PPRC1: variants seen among roughly 807,000 people sequenced by gnomAD.
PPRC1 encodes PPARG related coactivator 1.
In PPRC1, 23 loss-of-function variants were observed where a neutral mutation model predicts 132.5. That is an observed-to-expected ratio of 0.17 (90% CI 0.12 to 0.25). The LOEUF (loss-of-function observed/expected upper bound fraction) is 0.25, where lower values mean the gene tolerates loss of function less well. Ranked by LOEUF, PPRC1 falls within the 10% of genes least tolerant of loss-of-function variation. The pLI is 1.00. For synonymous variants in PPRC1, 872 were observed against 833.5 expected, an observed-to-expected ratio of 1.05 and a Z score of -0.80; for missense variants, 2,006 against 2,089.1, an observed-to-expected ratio of 0.96 and a Z score of 0.78.
In PPRC1 at chr10:102,140,778, G is replaced by A. The variant is rs1321111118; in HGVS notation, c.2270G>A (p.Arg757Gln). The change falls in exon 5 of 14, where the codon CGG becomes CAG. Residue 757 changes from arginine (R) to glutamine (Q), a missense_variant. This residue lies in a region of PPRC1 where 1,914 missense variants were observed against 1,917.2 expected (regional missense o/e 1.00). Coordinates refer to ENST00000278070, the MANE Select transcript of PPRC1 (RefSeq NM_015062.5). Reference sequence around the variant, plus strand: ...CGGCCTCTCAGCTTATCTGAGTACCGGCGACGAAGGCAGCAACGCCAAGCA... The same window carrying A: ...CGGCCTCTCAGCTTATCTGAGTACCAGCGACGAAGGCAGCAACGCCAAGCA... Reference protein sequence around the residue: ...RPRPLSLSEYRRRRQQRQAET... With the variant: ...RPRPLSLSEYQRRRQQRQAET... 9 of 1,612,428 alleles carry A rather than the reference G, an allele frequency of 5.6e-6. No individual in the cohort carries two copies. Among genetic ancestry groups the A allele is most frequent in the East Asian group, 2.2e-5 (1 of 44,734 alleles).
rs537798668 is a variant in PPRC1 at position 102,149,278 on chromosome 10, C to A, written c.4840C>A (p.Leu1614Ile). 6.8e-6 allele frequency: 11 copies of A among 1,611,634 alleles called. No homozygotes were observed. The African/African-American group carries it at 1.5e-4, about 22-fold the overall frequency. Residue 1614 changes from leucine (L) to isoleucine (I), a missense_variant, in exon 13 of 14, where the codon CTC becomes ATC. Around this residue, in one of 2 missense-constraint regions of PPRC1, gnomAD observed 92 missense variants for 171.9 expected, o/e 0.54. Transcript: ENST00000278070. ...LRQADEQPFD[L>I]CFGGRRQFCK... is the part of the protein sequence containing the mutation. The stretch of plus-strand genomic sequence containing the variant: ...GCAGGCAGATGAGCAGCCCTTTGAT[C>A]TCTGCTTTGGGGGCCGAAGGCAGTT...
In PPRC1 at chr10:102,134,967, A is replaced by G. The variant is rs149687130; in HGVS notation, c.153+1746A>G. Among the ~76,000 whole-genome samples the G allele has an allele frequency of 2.7e-3, 406 of 152,342 alleles. 2 individuals carry two copies. Among genetic ancestry groups the G allele is most frequent in the Non-Finnish European group, 4.0e-3 (272 of 68,030 alleles). On this transcript the variant is annotated intron_variant, in intron 1 of 13. Transcript: ENST00000278070. Reference sequence around the variant, plus strand: ...TCCCCCGAAAACCAAAGATGGGTATATGTGAGCTGGTCAGTCAGCCAGTTA... The same window carrying G: ...TCCCCCGAAAACCAAAGATGGGTATGTGTGAGCTGGTCAGTCAGCCAGTTA...
intron 1 of PPRC1, 119 bp from the exon 2 acceptor site, chr10:102,137,731 G>A (rs2068776518): frequency 2.2e-6 from 2 of 923,670 alleles, no homozygotes; most frequent in South Asian, 2.0e-5. Flanking sequence ...CCAGAAGTTT[G>A]GCGACAGTGT....
Position 102,148,892 on chromosome 10 carries a change from G to A in PPRC1, c.4693G>A (p.Val1565Ile), listed in dbSNP as rs2069389517. 7 of 1,614,218 alleles carry A rather than the reference G, an allele frequency of 4.3e-6. No individual in the cohort carries two copies. Among genetic ancestry groups the A allele is most frequent in the East Asian group, 2.2e-5 (1 of 44,892 alleles). ...ATCAGAGCTGAAACAGAGGTTCTCCGTTTTTGGAGAGATTGAGGAGTGCAC... is the reference window on the plus strand; with the variant it reads ...ATCAGAGCTGAAACAGAGGTTCTCCATTTTTGGAGAGATTGAGGAGTGCAC... ...TRSELKQRFS[V>I]FGEIEECTIH... The change falls in exon 12 of 14, where the codon GTT becomes ATT. Residue 1565 changes from valine (V) to isoleucine (I), a missense_variant. Physicochemically the swap from Val to Ile is conservative, Grantham distance 29. Coordinates refer to ENST00000278070, the MANE Select transcript of PPRC1 (RefSeq NM_015062.5). The surrounding 1 kb of genome is among the most constrained non-coding windows in gnomAD (Gnocchi z 4.2).
At chr10:102,129,955 C>T (rs2068516014), upstream of PPRC1, among the ~76,000 whole-genome samples, 1 of 152,158 alleles carries the variant, frequency 6.6e-6, no homozygotes, top group Non-Finnish European at 1.5e-5. Context: ...ACTATGCCAT[C>T]TGTATTAATC....
In PPRC1 at chr10:102,140,639, GTGGAGTCAGAGTCCT is replaced by G; in HGVS notation, c.2136_2150del (p.Glu712_Leu716del). 6.2e-7 allele frequency: 1 copy of G among 1,614,022 alleles called. No homozygotes were observed. Among genetic ancestry groups the G allele is most frequent in the Non-Finnish European group, 8.5e-7 (1 of 1,180,012 alleles). On this transcript the variant is annotated inframe_deletion, in exon 5 of 14. Coordinates refer to ENST00000278070, the MANE Select transcript of PPRC1 (RefSeq NM_015062.5). ...GGGGGGTTCAGCACCCCAGCTCCTC[GTGGAGTCAGAGTCCT>G]TGGACCCACCAAAGACCATCATCCC... is the stretch of plus-strand genomic sequence containing the variant.
In PPRC1 at chr10:102,144,294, G is replaced by T. The variant is rs775777147; in HGVS notation, c.3595G>T (p.Val1199Leu). Residue 1199 changes from valine to leucine, a missense_variant, in exon 7 of 14, where the codon GTA (valine) becomes TTA (leucine). Coordinates refer to ENST00000278070, the MANE Select transcript of PPRC1 (RefSeq NM_015062.5). ...PPPAPADSLA[V>L]GNSGGVDIPQ... ...TCCGGCTCCTGCTGACAGCTTGGCT[G>T]TAGGAAACTCAGGGTAAGTATGGAG... is the stretch of plus-strand genomic sequence containing the variant. 3.7e-6 allele frequency: 6 copies of T among 1,613,938 alleles called. No individual in the cohort carries two copies. The highest frequency in any genetic ancestry group is 5.1e-6 in the Non-Finnish European group (6 of 1,180,024).
At chr10:102,146,453 G>A (rs1224110049) in intron 8 of PPRC1, among the ~76,000 whole-genome samples, 1 of 152,130 alleles carries the variant, frequency 6.6e-6, no homozygotes, top group Non-Finnish European at 1.5e-5. Flanking sequence ...GAGGATGAGG[G>A]CTTCAGGAAG....
Position 102,147,451 on chromosome 10 carries a change from T to A in PPRC1, c.4400+59T>A. On this transcript the variant is annotated intron_variant, in intron 9 of 13. Coordinates refer to ENST00000278070, the MANE Select transcript of PPRC1 (RefSeq NM_015062.5). ...TTAGGAAGTTCACGTACTTCTGTGG[T>A]TTACTTTGAAAGCTTTTACCCGTTG... 2.0e-6 allele frequency: 3 copies of A among 1,513,722 alleles called. No individual in the cohort carries two copies. In the South Asian group the frequency reaches 3.8e-5, roughly 19 times the overall value. 93.8% of individuals were successfully genotyped at this position (1,513,722 alleles called of 1,614,324 possible).
chr10:102,144,425 T>C lies in PPRC1; in HGVS notation c.3608+118T>C, dbSNP rs1218220635. 6.5e-6 allele frequency: 6 copies of C among 927,200 alleles called. No homozygotes were observed. In the East Asian group the frequency reaches 1.5e-4, roughly 24 times the overall value. The allele number at this position is 927,200 out of a possible 1,614,324, so 57.4% of individuals were successfully genotyped here. A position where few individuals can be genotyped will look rare whatever the true frequency, so the allele number is the denominator to read the frequency against. On this transcript the variant is annotated intron_variant, in intron 7 of 13. Coordinates refer to ENST00000278070, the MANE Select transcript of PPRC1 (RefSeq NM_015062.5). ...GGACGCTGTAGTCAGCTCTAGAGTC[T>C]TTCCCTGTTTCCCCACCCCTTACTC...
At position 102,140,720 on chromosome 10, in the gene PPRC1, G is replaced by A; in HGVS notation, c.2212G>A (p.Gly738Ser). 6.2e-7 allele frequency: 1 copy of A among 1,613,976 alleles called. No homozygotes were observed. Among genetic ancestry groups the A allele is most frequent in the African/African-American group, 1.3e-5 (1 of 74,990 alleles). ...EVVDSLKIESGTSATTHEARP... is the reference protein window; with the variant it reads ...EVVDSLKIESSTSATTHEARP... ...TGTGGATTCTCTGAAAATTGAAAGT[G>A]GTACCAGTGCTACAACCCATGAAGC... The change falls in exon 5 of 14, where the codon GGT becomes AGT. Residue 738 changes from glycine to serine, a missense_variant. By Grantham distance (56) the Gly-to-Ser change is moderately conservative. Coordinates refer to ENST00000278070, the MANE Select transcript of PPRC1 (RefSeq NM_015062.5).
At position 102,140,757 on chromosome 10, in the gene PPRC1, C is replaced by T. The variant is rs1339689535; in HGVS notation, c.2249C>T (p.Pro750Leu). Residue 750 changes from proline (P) to leucine (L), a missense_variant, in exon 5 of 14, where the codon CCT (proline) becomes CTT (leucine). Transcript: ENST00000278070. ...ACAACCCATGAAGCCAGACCTCGGCCTCTCAGCTTATCTGAGTACCGGCGA... is the reference window on the plus strand; with the variant it reads ...ACAACCCATGAAGCCAGACCTCGGCTTCTCAGCTTATCTGAGTACCGGCGA... Reference protein sequence around the residue: ...SATTHEARPRPLSLSEYRRRR... With the variant: ...SATTHEARPRLLSLSEYRRRR... 1.9e-6 allele frequency: 3 copies of T among 1,614,050 alleles called. No homozygotes were observed. The highest frequency in any genetic ancestry group is 2.5e-6 in the Non-Finnish European group (3 of 1,180,010).
upstream of PPRC1, among the ~76,000 whole-genome samples, chr10:102,131,532 C>T (rs111795950): frequency 2.8e-3 from 429 of 152,208 alleles, 1 homozygote; most frequent in African/African-American, 9.9e-3. Flanking sequence ...TTGTTTAACT[C>T]GGCACTTGAA....
rs527688708 is a variant in PPRC1 at position 102,145,586 on chromosome 10, C to T, written c.3679+496C>T. On this transcript the variant is annotated intron_variant, in intron 8 of 13. Transcript: ENST00000278070. ...ACTATCTAAAAAAAAAAAAAAATGT[C>T]GGGCGCGGTGGCCCACGCCTGTAAT... 3.0e-3 allele frequency among the ~76,000 whole-genome samples: 424 copies of T among 141,184 alleles called. 1 individual carries two copies. The highest frequency in any genetic ancestry group is 0.011 in the African/African-American group (404 of 37,562). The allele number at this position is 141,184 out of a possible 152,430, so 92.6% of individuals were successfully genotyped here.
At chr10:102,119,986 C>T in the PPRC1 span, 1 of 921,270 alleles carries the variant, frequency 1.1e-6, no homozygotes, top group Non-Finnish European at 1.5e-6. Flanking sequence ...TTCCCCCATG[C>T]CATCGACGCC....
chr10:102,127,530 C>T, the PPRC1 span, among the ~76,000 whole-genome samples: 1 of 152,076 alleles, frequency 6.6e-6, no homozygotes, highest in Non-Finnish European at 1.5e-5. Flanking sequence ...TCTCAGCCTC[C>T]CGAGTAGCTG....
the PPRC1 span, among the ~76,000 whole-genome samples, chr10:102,125,864 C>CTTTT: frequency 2.2e-5 from 3 of 138,010 alleles, no homozygotes; most frequent in Non-Finnish European, 4.8e-5. Flanking sequence ...TCTTTCTTTT[C>CTTTT]TTTTTTTTTT....
At position 102,139,716 on chromosome 10, in the gene PPRC1, C is replaced by T. The variant is rs769956313; in HGVS notation, c.1208C>T (p.Pro403Leu). 3.7e-6 allele frequency: 6 copies of T among 1,614,082 alleles called. No homozygotes were observed. The Admixed American group carries it at 1.0e-4, about 27-fold the overall frequency. Residue 403 changes from proline to leucine, a missense_variant, in exon 5 of 14, where the codon CCC becomes CTC. Physicochemically the swap from Pro to Leu is moderately conservative, Grantham distance 98 (BLOSUM62 -3). Coordinates refer to ENST00000278070, the MANE Select transcript of PPRC1 (RefSeq NM_015062.5). ...GAGTCAGAGACAGAGGCTGCTGTGCCCAAGGTAACCCTCTGCTCTGAGAAA... is the reference window on the plus strand; with the variant it reads ...GAGTCAGAGACAGAGGCTGCTGTGCTCAAGGTAACCCTCTGCTCTGAGAAA... ...TLESETEAAV[P>L]KVTLCSEKEG... is the part of the protein sequence containing the mutation.
the PPRC1 span, among the ~76,000 whole-genome samples, chr10:102,121,171 A>G: frequency 6.6e-6 from 1 of 151,930 alleles, no homozygotes; most frequent in Admixed American, 6.6e-5. Context: ...TGACCACCAG[A>G]TTGGATTACG....
Sources: allele counts gnomAD v4.1 joint callset (sites outside exome capture counted in the v4.1 genomes callset), GRCh38; gene constraint gnomAD v4.1.1; regional missense constraint gnomAD v4.1.1; non-coding constraint Gnocchi (gnomAD v3.1); transcripts MANE v1.5; gene names NCBI Gene and HGNC (gene_info 2026-07-23, HGNC 2026-07-21).